The following ZNF469 variants were observed in gnomAD, a reference collection of about 807,000 sequenced individuals.
The protein encoded by ZNF469 is zinc finger protein 469.
A neutral mutation model predicts 1.0 loss-of-function variants in ZNF469; 1 was observed. The ratio of observed to expected loss-of-function variants is 1.00; its 90% CI spans 0.35 to 4.73. The LOEUF (loss-of-function observed/expected upper bound fraction) is 4.73. ZNF469 is among the 30% of genes most tolerant of loss of function. The pLI is 0.16. For missense variants in ZNF469, 6,100 were observed against 5,356.3 expected (o/e 1.14, Z -4.33); for synonymous variants, 2,703 against 2,363.4 (o/e 1.14, Z -4.17).
intron 1 of ZNF469, among the ~76,000 whole-genome samples, chr16:88,422,151 G>A (rs894825694): frequency 2.0e-5 from 3 of 150,596 alleles, no homozygotes; most frequent in Admixed American, 6.6e-5. Context: ...TGAACGGGTG[G>A]GTGGATGGGC....
chr16:88,307,672 C>T, the ZNF469 span, among the ~76,000 whole-genome samples: 571 of 152,322 alleles, frequency 3.7e-3, 6 homozygotes, highest in African/African-American at 0.012. Flanking sequence ...AGACCCTTCA[C>T]CCCATTTTTA....
At chr16:88,344,986 G>A in the ZNF469 span, among the ~76,000 whole-genome samples, 4 of 152,206 alleles carry the variant, frequency 2.6e-5, no homozygotes, top group African/African-American at 7.2e-5. Flanking sequence ...CACAGAAGTC[G>A]CCCTGACTTG....
chr16:88,287,353 C>A, the ZNF469 span, among the ~76,000 whole-genome samples: 1 of 152,254 alleles, frequency 6.6e-6, no homozygotes, highest in Non-Finnish European at 1.5e-5. Flanking sequence ...ACAAAGGTTT[C>A]TCTAGGTGCA....
chr16:88,291,626 T>A, the ZNF469 span, among the ~76,000 whole-genome samples: 1 of 152,036 alleles, frequency 6.6e-6, no homozygotes, highest in Non-Finnish European at 1.5e-5. Flanking sequence ...CTCCCACTTG[T>A]GTATCCGTCT....
chr16:88,316,340 C>T, the ZNF469 span, among the ~76,000 whole-genome samples: 1 of 152,176 alleles, frequency 6.6e-6, no homozygotes, highest in South Asian at 2.1e-4. Context: ...GTGCACCACG[C>T]TCGTGGGGCC....
rs1351119321 is a variant in ZNF469, at chr16:88,437,909, C to T, written c.10439C>T (p.Pro3480Leu). The stretch of plus-strand genomic sequence containing the variant: ...AGCAAACGGCGCAGGGTGGCCATGC[C>T]CGGCAGTGCCCCTGGGCCCGGCGAG... ...LPSKRRRVAM[P>L]GSAPGPGEDR... The change falls in exon 3 of 3, where the codon CCC becomes CTC. Residue 3480 changes from proline to leucine, a missense_variant. Pro to Leu is a moderately conservative substitution (Grantham distance 98). Transcript: ENST00000565624. 6.5e-7 allele frequency: 1 copy of T among 1,539,760 alleles called. No homozygotes were observed.
At position 88,430,080 on chromosome 16, in the gene ZNF469, C is replaced by T. The variant is rs1906027652; in HGVS notation, c.2610C>T (p.Asp870=). The part of the protein sequence containing the change: ...IDSSFIDVFA[D]EEPSGPRGPS... ...GCAGCTTCATCGACGTCTTCGCGGA[C>T]GAGGAGCCTTCCGGCCCCAGAGGTC... The change falls in exon 3 of 3, where the codon GAC becomes GAT. Residue 870 remains aspartate, a synonymous_variant. Transcript: ENST00000565624. 1.3e-6 allele frequency: 2 copies of T among 1,550,358 alleles called. No homozygotes were observed. The highest frequency in any genetic ancestry group is 1.2e-5 in the South Asian group (1 of 84,068).
the ZNF469 span, among the ~76,000 whole-genome samples, chr16:88,126,770 C>T: frequency 6.6e-6 from 1 of 152,036 alleles, no homozygotes; most frequent in Admixed American, 6.5e-5. Context: ...TCTCCTGCCT[C>T]AGCCTCCTGA....
chr16:88,249,002 G>A, the ZNF469 span, among the ~76,000 whole-genome samples: 15 of 152,052 alleles, frequency 9.9e-5, no homozygotes, highest in East Asian at 1.9e-4. Flanking sequence ...CTGTGTGTCC[G>A]TGTGTCTTGC....
In ZNF469 at chr16:88,439,150, G is replaced by T; in HGVS notation, c.11680G>T (p.Ala3894Ser). 6.4e-7 allele frequency: 1 copy of T among 1,550,678 alleles called. No individual in the cohort carries two copies. Among genetic ancestry groups the T allele is most frequent in the Non-Finnish European group, 8.7e-7 (1 of 1,146,982 alleles). The change falls in exon 3 of 3, where the codon GCC becomes TCC. Residue 3894 changes from alanine (A) to serine (S), a missense_variant. By Grantham distance (99) the Ala-to-Ser change is moderately conservative. Transcript: ENST00000565624. Reference protein sequence around the residue: ...HTQRKDRLGKAFPQGRPLLRP... With the variant: ...HTQRKDRLGKSFPQGRPLLRP... ...ACAGAGGAAGGACAGACTGGGCAAG[G>T]CCTTCCCCCAGGGGAGACCCCTGCT... is the stretch of plus-strand genomic sequence containing the variant.
the ZNF469 span, among the ~76,000 whole-genome samples, chr16:88,137,651 A>G: frequency 6.6e-6 from 1 of 152,234 alleles, no homozygotes; most frequent in East Asian, 1.9e-4. Flanking sequence ...ATGTATGCAT[A>G]CCACCATGTG....
At chr16:88,145,290 A>C in the ZNF469 span, among the ~76,000 whole-genome samples, 18 of 152,230 alleles carry the variant, frequency 1.2e-4, no homozygotes, top group Admixed American at 1.2e-3. Context: ...CATTTCAAAC[A>C]CACACACATA....
chr16:88,371,322 A>G, the ZNF469 span, among the ~76,000 whole-genome samples: 1 of 152,352 alleles, frequency 6.6e-6, no homozygotes, highest in South Asian at 2.1e-4. Context: ...GGGAGATGCT[A>G]ATTTATCCTA....
the ZNF469 span, among the ~76,000 whole-genome samples, chr16:88,264,040 C>T: frequency 1.8e-4 from 27 of 152,222 alleles, no homozygotes; most frequent in Non-Finnish European, 3.4e-4. Context: ...GTCCACACCA[C>T]GTGTACTCAT....
the ZNF469 span, among the ~76,000 whole-genome samples, chr16:88,340,975 G>A: frequency 3.9e-5 from 6 of 152,080 alleles, no homozygotes; most frequent in Non-Finnish European, 7.4e-5. Flanking sequence ...CCCGGGGCCC[G>A]GGCAAAGCGG....
the ZNF469 span, among the ~76,000 whole-genome samples, chr16:88,182,027 G>T: frequency 6.6e-6 from 1 of 152,190 alleles, no homozygotes; most frequent in Non-Finnish European, 1.5e-5. Flanking sequence ...TATACATTTA[G>T]CAAAGTTGCT....
the ZNF469 span, among the ~76,000 whole-genome samples, chr16:88,359,385 C>G: frequency 6.6e-6 from 1 of 151,904 alleles, no homozygotes; most frequent in South Asian, 2.1e-4. Flanking sequence ...TTGCTATTGT[C>G]TGCTTCTGAG....
chr16:88,157,447 G>C, the ZNF469 span, among the ~76,000 whole-genome samples: 3 of 152,096 alleles, frequency 2.0e-5, no homozygotes, highest in African/African-American at 7.2e-5. Context: ...AGTTCGAGCT[G>C]TGTCCTGGTG....
chr16:88,340,148 G>T, the ZNF469 span, among the ~76,000 whole-genome samples: 10 of 152,302 alleles, frequency 6.6e-5, no homozygotes, highest in African/African-American at 9.6e-5. Flanking sequence ...AGCCGACATG[G>T]CTGAGCCGGC....
Sources: gnomAD v4.1 joint callset for allele counts (sites outside exome capture counted in the v4.1 genomes callset) on GRCh38, gnomAD v4.1.1 for gene constraint, MANE v1.5 for transcripts, NCBI Gene and HGNC (gene_info 2026-07-23, HGNC 2026-07-21) for gene names.